RUNX3: variants seen among roughly 807,000 people sequenced by gnomAD.
The protein encoded by RUNX3 is RUNX family transcription factor 3.
Under a neutral mutation model 27.7 loss-of-function variants are expected in RUNX3, and 10 were observed. That is an observed-to-expected ratio of 0.36 (90% CI 0.22 to 0.61). The LOEUF (loss-of-function observed/expected upper bound fraction) is 0.61, where lower values mean the gene tolerates loss of function less well. Ranked by LOEUF, RUNX3 falls within the 20% of genes least tolerant of loss-of-function variation. The pLI is 0.72. For missense variants in RUNX3, 469 were observed against 629.5 expected (o/e 0.75, Z 2.73); for synonymous variants, 270 against 269.2 (o/e 1.00, Z -0.03).
rs562675901 is a variant in RUNX3, at chr1:24,940,865, C to T, written c.59-11013G>A. Among the ~76,000 whole-genome samples, 410 of 152,154 alleles carry T rather than the reference C, an allele frequency of 2.7e-3. 4 individuals are homozygous for T. Among genetic ancestry groups the T allele is most frequent in the Non-Finnish European group, 2.6e-3 (179 of 67,994 alleles). On this transcript the variant is annotated intron_variant, in intron 2 of 6. Coordinates refer to the RUNX3 transcript ENST00000338888. The stretch of plus-strand genomic sequence containing the variant: ...CCATTAGTGCTTTGTTTTTTAAAGC[C>T]AGGTGGTAGGTAGATAGATGTCTGC...
At position 24,899,979 on chromosome 1, in the gene RUNX3, T is replaced by C. The variant is rs1422136453; in HGVS notation, c.*2143A>G. 6.6e-6 allele frequency: 1 copy of C among 152,418 alleles called. No homozygotes were observed. Among genetic ancestry groups the C allele is most frequent in the Non-Finnish European group, 1.5e-5 (1 of 68,126 alleles). 9.4% of individuals were successfully genotyped at this position (152,418 alleles called of 1,614,324 possible). On this transcript the variant is annotated 3_prime_UTR_variant, in exon 5 of 5. Coordinates refer to ENST00000308873, the MANE Select transcript of RUNX3 (RefSeq NM_004350.3). ...ATGGGGGATGGGGTAGGAAGAGCAA[T>C]TTATTTACTATCCCTGCCTCTCCAG...
rs2230620 is a variant in RUNX3, at chr1:24,902,022, C to T, written c.*100G>A. 8.9e-4 allele frequency: 1,026 copies of T among 1,150,834 alleles called. No homozygotes were observed. The African/African-American group carries it at 0.014, about 15-fold the overall frequency. 71.3% of individuals were successfully genotyped at this position (1,150,834 alleles called of 1,614,324 possible). A position where few individuals can be genotyped will look rare whatever the true frequency, so the allele number is the denominator to read the frequency against. ...CCCTGGGACCGAGACCACCCTGGAG[C>T]GCAGGTCCCATTCCCGCCCGGAGCC... On this transcript the variant is annotated 3_prime_UTR_variant, in exon 5 of 5. Transcript: ENST00000308873. The surrounding 1 kb of genome is among the most constrained non-coding windows in gnomAD (Gnocchi z 9.2).
chr1:24,949,244 AC>A (rs1378126709), intron 2 of RUNX3, among the ~76,000 whole-genome samples: 1 of 152,132 alleles, frequency 6.6e-6, no homozygotes, highest in Non-Finnish European at 1.5e-5. Flanking sequence ...GGCTGAAGAA[AC>A]AGCAAAAAGG....
chr1:24,926,666 G>A (rs1319103295), intron 2 of RUNX3, among the ~76,000 whole-genome samples: 3 of 152,192 alleles, frequency 2.0e-5, no homozygotes, highest in Admixed American at 6.5e-5. Context: ...TGAAAAGCAC[G>A]GTTCTGCTTC....
At chr1:24,920,744 T>C (rs1640982580) in intron 2 of RUNX3, among the ~76,000 whole-genome samples, 2 of 152,194 alleles carry the variant, frequency 1.3e-5, no homozygotes, top group Admixed American at 1.3e-4. Flanking sequence ...CTATTTCTCG[T>C]TCTTCTATCG....
At chr1:24,958,459 A>T (rs1306466025) in intron 2 of RUNX3, among the ~76,000 whole-genome samples, 2 of 152,146 alleles carry the variant, frequency 1.3e-5, no homozygotes, top group South Asian at 4.2e-4. Context: ...GAGGAGGGGA[A>T]CTCTCTGCCT....
intron 2 of RUNX3, among the ~76,000 whole-genome samples, chr1:24,926,048 G>A (rs185696759): frequency 1.6e-3 from 238 of 152,328 alleles, no homozygotes; most frequent in Non-Finnish European, 2.8e-3. Context: ...TGGGAAGGGA[G>A]AATCAAGTTC....
intron 4 of RUNX3, among the ~76,000 whole-genome samples, chr1:24,906,393 G>A (rs901695963): frequency 4.6e-5 from 7 of 152,230 alleles, no homozygotes; most frequent in South Asian, 2.1e-4. Flanking sequence ...GGCACAGTCC[G>A]TGACGGCAGC....
At chr1:24,910,288 CAAA>C (rs745858311) in intron 3 of RUNX3, among the ~76,000 whole-genome samples, 327 of 81,372 alleles carry the variant, frequency 4.0e-3, no homozygotes, top group South Asian at 0.011. Flanking sequence ...GATTCCATCT[CAAA>C]AAAAAAAAAA....
chr1:24,927,652 G>A lies in RUNX3; in HGVS notation c.361C>T (p.Leu121=), dbSNP rs1478824087. Residue 121 remains leucine (L), a synonymous_variant, in exon 2 of 5, where the codon CTG becomes TTG. Coordinates refer to ENST00000308873, the MANE Select transcript of RUNX3 (RefSeq NM_004350.3). This position sits in a 1 kb window ranked among gnomAD's most constrained non-coding sequence, Gnocchi z 5.0. ...TTCATGACGGCCGAGGCATTGCGCA[G>A]CTCAGCGGAGTAGTTCTCGTCATTG... ...AGNDENYSAE[L]RNASAVMKNQ... 3.7e-6 allele frequency: 6 copies of A among 1,614,052 alleles called. No individual in the cohort carries two copies. The African/African-American group carries it at 6.7e-5, about 18-fold the overall frequency.
At position 24,962,679 on chromosome 1, in the gene RUNX3, C is replaced by T. The variant is rs991453503; in HGVS notation, c.58+1835G>A. Among the ~76,000 whole-genome samples, 3 of 152,244 alleles carry T rather than the reference C, an allele frequency of 2.0e-5. No homozygotes were observed. The highest frequency in any genetic ancestry group is 7.2e-5 in the African/African-American group (3 of 41,460). On this transcript the variant is annotated intron_variant, in intron 2 of 6. Transcript: ENST00000338888. The surrounding 1 kb of genome is among the most constrained non-coding windows in gnomAD (Gnocchi z 4.5). ...CAGACCCTAGCCTATGAGGCGCCTT[C>T]TGTGCCACTGCTGGCCAGGATCAGC...
chr1:24,932,053 C>A (rs527396847), upstream of RUNX3, among the ~76,000 whole-genome samples: 1 of 152,202 alleles, frequency 6.6e-6, no homozygotes, highest in African/African-American at 2.4e-5. Flanking sequence ...GGGCGGGCAA[C>A]ACGTGCTGCC....
intron 2 of RUNX3, among the ~76,000 whole-genome samples, chr1:24,935,410 G>A (rs569825829): frequency 2.6e-5 from 4 of 152,040 alleles, no homozygotes; most frequent in African/African-American, 7.3e-5. Context: ...CCCGCGGGGC[G>A]CCAGCTCCCT....
intron 2 of RUNX3, among the ~76,000 whole-genome samples, chr1:24,953,738 C>A (rs1481695965): frequency 6.6e-6 from 1 of 152,188 alleles, no homozygotes; most frequent in Non-Finnish European, 1.5e-5. Context: ...AAATCCAAAA[C>A]TTTTTTAGGG....
intron 2 of RUNX3, among the ~76,000 whole-genome samples, chr1:24,953,550 C>T (rs1641833156): frequency 6.6e-6 from 1 of 152,124 alleles, no homozygotes; most frequent in South Asian, 2.1e-4. Flanking sequence ...ACGTTTCAAG[C>T]GCTCGGGATT....
At position 24,901,094 on chromosome 1, in the gene RUNX3, A is replaced by G. The variant is rs556196918; in HGVS notation, c.*1028T>C. On this transcript the variant is annotated 3_prime_UTR_variant, in exon 5 of 5. Transcript: ENST00000308873. ...TTTCAGAGCACAAAACAGGTTACAGACAGGTGTGTGCCAGGAGTCGCAAGA... is the reference window on the plus strand; with the variant it reads ...TTTCAGAGCACAAAACAGGTTACAGGCAGGTGTGTGCCAGGAGTCGCAAGA... 7.0e-6 allele frequency: 1 copy of G among 142,626 alleles called. No homozygotes were observed. Among genetic ancestry groups the G allele is most frequent in the Admixed American group, 7.1e-5 (1 of 14,016 alleles). The allele number at this position is 142,626 out of a possible 1,614,324, so 8.8% of individuals were successfully genotyped here. A position where few individuals can be genotyped will look rare whatever the true frequency, so the allele number is the denominator to read the frequency against.
At chr1:24,924,615 C>T (rs1641064673) in intron 2 of RUNX3, among the ~76,000 whole-genome samples, 1 of 152,132 alleles carries the variant, frequency 6.6e-6, no homozygotes, top group Non-Finnish European at 1.5e-5. Flanking sequence ...TGGGCTTCTG[C>T]ATGGAGGGCA....
chr1:24,957,324 C>T (rs939903549), intron 2 of RUNX3, among the ~76,000 whole-genome samples: 2 of 151,018 alleles, frequency 1.3e-5, no homozygotes, highest in African/African-American at 4.9e-5. Flanking sequence ...AATCGTCAGC[C>T]CATTCATTCG....
At chr1:24,909,581 C>T (rs888818069) in intron 3 of RUNX3, among the ~76,000 whole-genome samples, 10 of 152,306 alleles carry the variant, frequency 6.6e-5, no homozygotes, top group African/African-American at 2.2e-4. Context: ...ACAAGCATGG[C>T]GAGAATGACG....
Sources: gnomAD v4.1 joint callset for allele counts (sites outside exome capture counted in the v4.1 genomes callset) on GRCh38, gnomAD v4.1.1 for gene constraint, Gnocchi (gnomAD v3.1) non-coding constraint, MANE v1.5 for transcripts, NCBI Gene and HGNC (gene_info 2026-07-23, HGNC 2026-07-21) for gene names.